Variants in GSDMA observed in about 807,000 individuals in gnomAD.
The protein encoded by GSDMA is gasdermin-A.
In GSDMA, 55 loss-of-function variants were observed where a neutral mutation model predicts 54.3. The observed-to-expected ratio is 1.01, with a 90% confidence interval of 0.82 to 1.27. The LOEUF is 1.27. GSDMA is among the 50% of genes most tolerant of loss of function. The probability of loss-of-function intolerance (pLI) is 0.00; values close to 1 mark genes in which losing one functional copy is unlikely to be tolerated. For synonymous variants in GSDMA, 211 were observed against 224.7 expected (o/e 0.94, Z 0.54); for missense variants, 542 against 542.6 (o/e 1.00, Z 0.01).
At chr17:39,969,543 C>G (rs3859194) in intron 3 of GSDMA, among the ~76,000 whole-genome samples, 66,392 of 151,956 alleles carry the variant, frequency 0.44, 14,926 homozygotes, top group Admixed American at 0.53. Context: ...GGGTGGTACA[C>G]TGTGACTGGA....
chr17:39,973,870 G>C (rs1313009091), intron 8 of GSDMA, 40 bp downstream of exon 8: 1 of 1,591,900 alleles, frequency 6.3e-7, no homozygotes, highest in Non-Finnish European at 8.6e-7. Flanking sequence ...CTTTGGCATG[G>C]AGGTAGCATT....
intron 5 of GSDMA, 29 bp from the exon 6 acceptor site, chr17:39,972,100 T>TTGGGCCC: frequency 1.2e-6 from 1 of 835,098 alleles, no homozygotes; most frequent in Non-Finnish European, 2.0e-6. Flanking sequence ...CTAAGTGTCC[T>TTGGGCCC]CCCACCCTCC....
chr17:39,972,751 A>G, intron 7 of GSDMA, 138 bp downstream of exon 7: 2 of 830,982 alleles, frequency 2.4e-6, no homozygotes. Context: ...GAAACATGGC[A>G]GAAATTCCAA....
chr17:39,967,338 T>C (rs1979715567), intron 3 of GSDMA, among the ~76,000 whole-genome samples: 1 of 152,080 alleles, frequency 6.6e-6, no homozygotes, highest in Non-Finnish European at 1.5e-5. Context: ...GCAGCCTCTG[T>C]TTTGGGCCTT....
At chr17:39,976,691 G>A (rs1980213634) in intron 11 of GSDMA, 125 bp from the exon 12 acceptor site, 2 of 1,285,560 alleles carry the variant, frequency 1.6e-6, no homozygotes, top group African/African-American at 1.5e-5. Context: ...CCCAGATGGG[G>A]TTGTAATGTA....
chr17:39,975,982 C>A lies in GSDMA; in HGVS notation c.1080C>A (p.Pro360=). 1 of 1,596,000 alleles carries A rather than the reference C, an allele frequency of 6.3e-7. No homozygotes were observed. Among genetic ancestry groups the A allele is most frequent in the East Asian group, 2.3e-5 (1 of 44,212 alleles). The part of the protein sequence containing the change: ...LVKSMEKKIL[P]VQLKLVESTM... Reference sequence around the variant, plus strand: ...AATCCATGGAGAAAAAGATCCTACCCGTGCAGCTAAAGCTGGTGAGGGAAA... The same window carrying A: ...AATCCATGGAGAAAAAGATCCTACCAGTGCAGCTAAAGCTGGTGAGGGAAA... Residue 360 remains proline, a synonymous_variant, in exon 11 of 12, where the codon CCC becomes CCA. Transcript: ENST00000301659.
rs763328565 is a variant in GSDMA at position 39,974,922 on chromosome 17, G to T, written c.929G>T (p.Gly310Val). The T allele has an allele frequency of 6.8e-6, 11 of 1,609,842 alleles. No homozygotes were observed. The South Asian group carries it at 7.7e-5, about 11-fold the overall frequency. ...CAGCTTGAAGGGGCTCTAGACAAGGGACATGAAGTGACCCTGGAGGCACTC... is the reference window on the plus strand; with the variant it reads ...CAGCTTGAAGGGGCTCTAGACAAGGTACATGAAGTGACCCTGGAGGCACTC... ...ELALEGALDK[G>V]HEVTLEALPK... The change falls in exon 10 of 12, where the codon GGA (glycine) becomes GTA (valine). Residue 310 changes from glycine to valine, a missense_variant. Physicochemically the swap from Gly to Val is moderately radical, Grantham distance 109 (BLOSUM62 -3). Coordinates refer to ENST00000301659, the MANE Select transcript of GSDMA (RefSeq NM_178171.5).
At chr17:39,965,923 G>T in intron 2 of GSDMA, 22 bp downstream of exon 2, 1 of 1,545,086 alleles carries the variant, frequency 6.5e-7, no homozygotes, top group Non-Finnish European at 8.7e-7. Flanking sequence ...GCGGGGCTGG[G>T]AACTGAGGGA....
chr17:39,977,264 A>T lies in GSDMA; in HGVS notation c.*206A>T. ...CGCAACCCACTAAGCCCATCTGCTGATGCTTAAATTTTCTTTACTTTTCTT... is the reference window on the plus strand; with the variant it reads ...CGCAACCCACTAAGCCCATCTGCTGTTGCTTAAATTTTCTTTACTTTTCTT... On this transcript the variant is annotated 3_prime_UTR_variant, in exon 12 of 12. Transcript: ENST00000301659. 2.4e-5 allele frequency: 11 copies of T among 452,584 alleles called. No homozygotes were observed. Among genetic ancestry groups the T allele is most frequent in the East Asian group, 3.7e-5 (1 of 27,244 alleles). 28.0% of individuals were successfully genotyped at this position (452,584 alleles called of 1,614,324 possible).
At chr17:39,966,118 G>A in intron 2 of GSDMA, 142 bp from the exon 3 acceptor site, 1 of 906,260 alleles carries the variant, frequency 1.1e-6, no homozygotes, top group East Asian at 2.5e-5. Flanking sequence ...GTAGAGATGG[G>A]TTCTTGCTTT....
intron 4 of GSDMA, 28 bp downstream of exon 4, chr17:39,970,675 ACACACACACT>A: frequency 7.1e-7 from 1 of 1,413,948 alleles, no homozygotes. Context: ...ACACACACAC[ACACACACACT>A]CTCACACTCA....
chr17:39,966,125 C>A, intron 2 of GSDMA, 135 bp from the exon 3 acceptor site: 1 of 950,570 alleles, frequency 1.1e-6, no homozygotes, highest in Non-Finnish European at 1.6e-6. Context: ...TGGGTTCTTG[C>A]TTTGTTGCCC....
intron 1 of GSDMA, among the ~76,000 whole-genome samples, chr17:39,964,117 C>T (rs149024996): frequency 6.6e-6 from 1 of 152,136 alleles, no homozygotes; most frequent in African/African-American, 2.4e-5. Context: ...ATCAGAAGAG[C>T]GCTTTGGAAA....
At position 39,977,511 on chromosome 17, in the gene GSDMA, C is replaced by T. The variant is rs12946335; in HGVS notation, c.*453C>T. On this transcript the variant is annotated 3_prime_UTR_variant, in exon 12 of 12. Coordinates refer to ENST00000301659, the MANE Select transcript of GSDMA (RefSeq NM_178171.5). ...TTCACCATGTTGCCCAGGTTGGTCT[C>T]GAACTCCTGGCCTCAAGTGATCTGC... 0.014 allele frequency: 2,142 copies of T among 157,426 alleles called. 25 individuals carry two copies. Among genetic ancestry groups the T allele is most frequent in the Admixed American group, 0.019 (311 of 15,986 alleles). 9.8% of individuals were successfully genotyped at this position (157,426 alleles called of 1,614,324 possible).
chr17:39,969,202 A>G (rs1329139365), intron 3 of GSDMA, among the ~76,000 whole-genome samples: 2 of 152,000 alleles, frequency 1.3e-5, no homozygotes, highest in Non-Finnish European at 1.5e-5. Context: ...AAAACGCAAT[A>G]TTAGCCGGGC....
chr17:39,973,108 AT>A (rs1297043953), intron 7 of GSDMA, among the ~76,000 whole-genome samples: 2 of 152,006 alleles, frequency 1.3e-5, no homozygotes, highest in Non-Finnish European at 1.5e-5. Flanking sequence ...AGTAGCTGGG[AT>A]TACAGGCACC....
chr17:39,963,194 C>T (rs1475338028), intron 1 of GSDMA, 109 bp downstream of exon 1: 1 of 152,234 alleles, frequency 6.6e-6, no homozygotes, highest in Admixed American at 6.6e-5. Context: ...GATAAGTATC[C>T]CGATAGGCCT....
intron 8 of GSDMA, 86 bp from the exon 9 acceptor site, chr17:39,974,187 T>G: frequency 7.3e-7 from 1 of 1,369,918 alleles, no homozygotes; most frequent in Non-Finnish European, 9.8e-7. Flanking sequence ...TAAAGGGGGC[T>G]GAGTGTAGGA....
At chr17:39,972,970 A>T (rs958266726) in intron 7 of GSDMA, among the ~76,000 whole-genome samples, 4 of 150,938 alleles carry the variant, frequency 2.7e-5, no homozygotes, top group East Asian at 3.9e-4. Flanking sequence ...GTCTCTATTT[A>T]AAAAAAAAAA....
Sources: gnomAD v4.1 joint callset for allele counts (sites outside exome capture counted in the v4.1 genomes callset) on GRCh38, gnomAD v4.1.1 for gene constraint, MANE v1.5 for transcripts, NCBI Gene and HGNC (gene_info 2026-07-23, HGNC 2026-07-21) for gene names.